SNX9: variants seen among roughly 807,000 people sequenced by gnomAD.
SNX9 encodes the protein sorting nexin-9.
A neutral mutation model predicts 89.4 loss-of-function variants in SNX9; 44 were observed. That is an observed-to-expected ratio of 0.49 (90% confidence interval 0.39 to 0.63). SNX9 has a LOEUF of 0.63. SNX9 is among the 30% of genes least tolerant of loss of function. The probability of loss-of-function intolerance (pLI) is 0.00; values close to 1 mark genes in which losing one functional copy is unlikely to be tolerated. For synonymous variants in SNX9, 236 were observed against 247.8 expected, an observed-to-expected ratio of 0.95 and a Z score of 0.45; for missense variants, 578 against 736.1, an observed-to-expected ratio of 0.79 and a Z score of 2.49.
At chr6:157,905,906 C>T (rs1783205687) in intron 6 of SNX9, among the ~76,000 whole-genome samples, 2 of 152,186 alleles carry the variant, frequency 1.3e-5, no homozygotes, top group South Asian at 4.1e-4. Context: ...AACATCACAC[C>T]TTCTGGAGTC....
intron 7 of SNX9, among the ~76,000 whole-genome samples, chr6:157,909,375 A>C: frequency 6.6e-6 from 1 of 152,226 alleles, no homozygotes; most frequent in East Asian, 1.9e-4. Context: ...ACTAGAAAGA[A>C]ACATTGTCTT....
intron 9 of SNX9, among the ~76,000 whole-genome samples, chr6:157,914,567 C>A (rs1783423929): frequency 6.8e-6 from 1 of 147,330 alleles, no homozygotes; most frequent in Non-Finnish European, 1.5e-5. Context: ...ACCTTGACCT[C>A]CCGGGCTCAA....
chr6:157,829,682 T>C (rs1781445824), intron 1 of SNX9, among the ~76,000 whole-genome samples: 1 of 152,226 alleles, frequency 6.6e-6, no homozygotes, highest in Non-Finnish European at 1.5e-5. Context: ...TTTTTATCAT[T>C]ATGAAGTGAA....
At chr6:157,929,420 G>A (rs1357607440) in intron 12 of SNX9, among the ~76,000 whole-genome samples, 6 of 152,154 alleles carry the variant, frequency 3.9e-5, no homozygotes, top group African/African-American at 7.2e-5. Flanking sequence ...GAAATGCTGC[G>A]ACTGCACTGC....
chr6:157,840,469 C>T (rs1200605677), intron 1 of SNX9, among the ~76,000 whole-genome samples: 9 of 151,420 alleles, frequency 5.9e-5, no homozygotes, highest in South Asian at 2.1e-4. Context: ...CCTTCCTTCT[C>T]CCTTCTCTCT....
At chr6:157,940,088 G>C (rs1784005689) in intron 16 of SNX9, among the ~76,000 whole-genome samples, 1 of 152,176 alleles carries the variant, frequency 6.6e-6, no homozygotes, top group African/African-American at 2.4e-5. Flanking sequence ...TGGTGCTCAG[G>C]GGCAGCAAGG....
At chr6:157,884,791 G>T (rs1169593858) in intron 4 of SNX9, among the ~76,000 whole-genome samples, 1 of 152,176 alleles carries the variant, frequency 6.6e-6, no homozygotes, top group Non-Finnish European at 1.5e-5. Flanking sequence ...AAAAATACAT[G>T]CTGGTGAAGT....
chr6:157,910,113 A>T, intron 9 of SNX9, 88 bp downstream of exon 9: 1 of 1,014,864 alleles, frequency 9.9e-7, no homozygotes, highest in Non-Finnish European at 1.6e-6. Flanking sequence ...GGCATTTTCC[A>T]TCCTGTAGAG....
Position 157,932,217 on chromosome 6 carries a change from G to A in SNX9, c.1311G>A (p.Lys437=). 1 of 1,614,180 alleles carries A rather than the reference G, an allele frequency of 6.2e-7. No homozygotes were observed. Among genetic ancestry groups the A allele is most frequent in the Non-Finnish European group, 8.5e-7 (1 of 1,180,022 alleles). ...CAGCATTACCCAAGGAATATCAGAA[G>A]ATAGGAAAGGCCTTGCAGAGTTTGG... ...CTGPLPKEYQ[K]IGKALQSLAT... The change falls in exon 13 of 18, where the codon AAG becomes AAA. Residue 437 remains lysine, a synonymous_variant. Transcript: ENST00000392185.
intron 1 of SNX9, among the ~76,000 whole-genome samples, chr6:157,848,384 G>C (rs9364677): frequency 6.6e-6 from 1 of 152,130 alleles, no homozygotes; most frequent in Non-Finnish European, 1.5e-5. Flanking sequence ...CCCCCAAACC[G>C]TGGTAGAGAT....
chr6:157,866,654 C>A (rs73024644), intron 1 of SNX9, among the ~76,000 whole-genome samples: 4,529 of 152,310 alleles, frequency 0.03, 90 homozygotes, highest in Middle Eastern at 0.071. Context: ...CCAGCACACA[C>A]TGCCCTATGT....
intron 10 of SNX9, among the ~76,000 whole-genome samples, chr6:157,921,967 C>A (rs775919795): frequency 4.6e-5 from 7 of 152,062 alleles, no homozygotes; most frequent in Non-Finnish European, 7.4e-5. Flanking sequence ...GAGGATAGGC[C>A]CCAAACTCTG....
rs570078189 is a variant in SNX9 at position 157,914,188 on chromosome 6, C to T, written c.949+4163C>T. ...CAGTTTTTCCTCATTTTAACCAGTC[C>T]GATAGGTATGCAGTGGTATCTCAGC... On this transcript the variant is annotated intron_variant, in intron 9 of 17. Transcript: ENST00000392185. Among the ~76,000 whole-genome samples the T allele has an allele frequency of 7.9e-5, 12 of 152,146 alleles. No individual in the cohort carries two copies. In the South Asian group the frequency reaches 1.7e-3, roughly 21 times the overall value.
chr6:157,873,617 A>C (rs1433639030), intron 3 of SNX9, among the ~76,000 whole-genome samples: 3 of 147,778 alleles, frequency 2.0e-5, no homozygotes, highest in Non-Finnish European at 3.0e-5. Flanking sequence ...ATGTATTATA[A>C]ATTATATAAA....
chr6:157,887,323 C>G (rs1473138770), intron 4 of SNX9, among the ~76,000 whole-genome samples: 2 of 152,134 alleles, frequency 1.3e-5, no homozygotes, highest in Non-Finnish European at 2.9e-5. Flanking sequence ...TGGGAATAGC[C>G]CTGTGTGAGG....
intron 1 of SNX9, among the ~76,000 whole-genome samples, chr6:157,836,108 T>TTTTG (rs536474855): frequency 4.9e-4 from 74 of 151,942 alleles, no homozygotes; most frequent in Non-Finnish European, 6.5e-4. Context: ...ATATTTAATT[T>TTTTG]TTTGTTTGTT....
intron 7 of SNX9, among the ~76,000 whole-genome samples, chr6:157,908,284 C>G (rs1783260162): frequency 1.3e-5 from 2 of 152,182 alleles, no homozygotes; most frequent in African/African-American, 4.8e-5. Flanking sequence ...TAAATTATTT[C>G]ATTCTCCTTG....
At chr6:157,871,732 A>G (rs1782416331) in intron 2 of SNX9, among the ~76,000 whole-genome samples, 2 of 150,398 alleles carry the variant, frequency 1.3e-5, no homozygotes, top group African/African-American at 4.9e-5. Flanking sequence ...AAATAGATTC[A>G]GTTTTAATCA....
chr6:157,910,161 A>G, intron 9 of SNX9, 136 bp downstream of exon 9: 3 of 696,490 alleles, frequency 4.3e-6, no homozygotes, highest in Non-Finnish European at 5.1e-6. Context: ...AATTAAATAC[A>G]GCTATGAAGA....
Sources: allele counts gnomAD v4.1 joint callset (sites outside exome capture counted in the v4.1 genomes callset), GRCh38; gene constraint gnomAD v4.1.1; transcripts MANE v1.5; gene names NCBI Gene and HGNC (gene_info 2026-07-23, HGNC 2026-07-21).